Variants in LIMK1 observed in about 807,000 individuals in gnomAD.
LIMK1 encodes LIM domain kinase 1.
A neutral mutation model predicts 77.6 loss-of-function variants in LIMK1; 21 were observed. The observed-to-expected ratio is 0.27, with a 90% CI of 0.19 to 0.39. LIMK1 has a LOEUF of 0.39. Among genes scored for constraint, LIMK1 ranks in the 10% least tolerant of loss-of-function variants. The pLI, the probability that LIMK1 is intolerant of heterozygous loss-of-function variation, is 1.00. For missense variants in LIMK1, 696 were observed against 901.6 expected, an observed-to-expected ratio of 0.77 and a Z score of 2.92; for synonymous variants, 358 against 370.0, an observed-to-expected ratio of 0.97 and a Z score of 0.37.
chr7:74,116,092 C>T lies in LIMK1; in HGVS notation c.1567+134C>T, dbSNP rs1799802555. The T allele has an allele frequency of 3.3e-6, 3 of 916,986 alleles. No individual in the cohort carries two copies. In the East Asian group the frequency reaches 7.9e-5, roughly 24 times the overall value. The allele number at this position is 916,986 out of a possible 1,614,324, so 56.8% of individuals were successfully genotyped here. A position where few individuals can be genotyped will look rare whatever the true frequency, so the allele number is the denominator to read the frequency against. On this transcript the variant is annotated intron_variant, in intron 13 of 15. Transcript: ENST00000336180. ...CAGTTACCCTGTGGGTCCTGTTGCT[C>T]CTATAACACACTTAGTGGCAGCCAG...
rs781836367 is a variant in LIMK1 at position 74,107,101 on chromosome 7, C to T, written c.973C>T (p.Arg325Cys). The part of the protein sequence containing the change: ...RKDLGRSESL[R>C]VVCRPHRIFR... The stretch of plus-strand genomic sequence containing the variant: ...GGACCTGGGTCGCTCTGAGTCCCTC[C>T]GCGTAGTCTGCCGGCCACACCGCAT... Residue 325 changes from arginine (R) to cysteine (C), a missense_variant, in exon 8 of 16, where the codon CGC (arginine) becomes TGC (cysteine). This residue lies in a region of LIMK1 where 438 missense variants were observed against 602.3 expected (regional missense o/e 0.73). Coordinates refer to ENST00000336180, the MANE Select transcript of LIMK1 (RefSeq NM_002314.4). The T allele has an allele frequency of 6.8e-6, 11 of 1,612,096 alleles. No homozygotes were observed. Among genetic ancestry groups the T allele is most frequent in the Non-Finnish European group, 8.5e-6 (10 of 1,179,730 alleles).
chr7:74,117,166 C>T (rs1412043466), intron 13 of LIMK1, among the ~76,000 whole-genome samples: 1 of 152,148 alleles, frequency 6.6e-6, no homozygotes, highest in African/African-American at 2.4e-5. Context: ...CAGGCGTGAG[C>T]CACCGCGCCT....
chr7:74,109,137 A>G, intron 10 of LIMK1, 101 bp downstream of exon 10: 1 of 940,068 alleles, frequency 1.1e-6, no homozygotes, highest in Non-Finnish European at 1.7e-6. Flanking sequence ...GGGAAGCCAC[A>G]GGGGTCTCAA....
rs895459290 is a variant in LIMK1 at position 74,114,011 on chromosome 7, G to A, written c.1411-1791G>A. Among the ~76,000 whole-genome samples the A allele has an allele frequency of 4.6e-5, 7 of 152,138 alleles. No homozygotes were observed. In the East Asian group the frequency reaches 1.2e-3, roughly 25 times the overall value. Reference sequence around the variant, plus strand: ...CACGCCTGTAATCCCAACACTTTGGGAGACTGAGGCAGGCAGATCACTTGA... The same window carrying A: ...CACGCCTGTAATCCCAACACTTTGGAAGACTGAGGCAGGCAGATCACTTGA... On this transcript the variant is annotated intron_variant, in intron 12 of 15. Transcript: ENST00000336180.
At chr7:74,111,583 A>T (rs1799699652) in intron 10 of LIMK1, 65 bp from the exon 11 acceptor site, 1 of 1,370,894 alleles carries the variant, frequency 7.3e-7, no homozygotes. Context: ...CCTCTGTCTC[A>T]TGCAACCATC....
chr7:74,100,739 C>CTT (rs1184313437), intron 5 of LIMK1, among the ~76,000 whole-genome samples: 2 of 133,316 alleles, frequency 1.5e-5, no homozygotes, highest in African/African-American at 5.6e-5. Flanking sequence ...TTCTCTCTCT[C>CTT]TTTTTTTTTT....
chr7:74,091,541 A>G (rs1799235584), intron 2 of LIMK1, among the ~76,000 whole-genome samples: 1 of 152,136 alleles, frequency 6.6e-6, no homozygotes, highest in Non-Finnish European at 1.5e-5. Context: ...CGATTTTACA[A>G]ATGAGGTGCA....
intron 5 of LIMK1, among the ~76,000 whole-genome samples, chr7:74,102,867 C>CT (rs200075270): frequency 0.07 from 9,486 of 135,396 alleles, 351 homozygotes; most frequent in Non-Finnish European, 0.086. Context: ...TCATCAGTAT[C>CT]TTTTTTTTTT....
intron 2 of LIMK1, among the ~76,000 whole-genome samples, chr7:74,095,968 C>CTTTTTTTTTTT (rs869065672): frequency 0.069 from 8,651 of 125,712 alleles, 739 homozygotes; most frequent in African/African-American, 0.19. Flanking sequence ...TTTTCTTTTT[C>CTTTTTTTTTTT]TTTTTTTTTT....
intron 5 of LIMK1, among the ~76,000 whole-genome samples, chr7:74,103,016 C>T (rs913113073): frequency 1.3e-5 from 2 of 151,916 alleles, no homozygotes; most frequent in African/African-American, 4.8e-5. Context: ...TACAGGCGTG[C>T]ACCATTATGC....
intron 2 of LIMK1, among the ~76,000 whole-genome samples, chr7:74,087,128 C>T (rs542765758): frequency 7.2e-4 from 109 of 152,034 alleles, no homozygotes; most frequent in Non-Finnish European, 1.2e-3. Context: ...GGAGGTGGGG[C>T]GTGGTGGCTC....
intron 2 of LIMK1, chr7:74,094,309 T>A (rs1434659201): frequency 6.6e-6 from 1 of 152,242 alleles, no homozygotes; most frequent in Non-Finnish European, 1.5e-5. Context: ...TCACAGCTGC[T>A]GAAAGTGAGC....
At chr7:74,118,377 A>AACACACACACACACACAC (rs57707215) in intron 13 of LIMK1, among the ~76,000 whole-genome samples, 1 of 130,046 alleles carries the variant, frequency 7.7e-6, no homozygotes, top group South Asian at 2.6e-4. Context: ...CTCTGTGTCA[A>AACACACACACACACACAC]ACACACACAC....
chr7:74,111,904 C>T (rs782234344), intron 11 of LIMK1, 29 bp from the exon 12 acceptor site: 2 of 1,593,430 alleles, frequency 1.3e-6, no homozygotes, highest in Non-Finnish European at 1.7e-6. Context: ...TGCACAGCTG[C>T]CCCCTGACTC....
intron 5 of LIMK1, among the ~76,000 whole-genome samples, chr7:74,102,867 CTTTT>C (rs200075270): frequency 2.2e-5 from 3 of 135,384 alleles, no homozygotes; most frequent in Admixed American, 7.5e-5. Flanking sequence ...TCATCAGTAT[CTTTT>C]TTTTTTTTTT....
Position 74,118,906 on chromosome 7 carries a change from G to GT in LIMK1, c.1568-1671dup, listed in dbSNP as rs1303330686. On this transcript the variant is annotated intron_variant, in intron 13 of 15. Transcript: ENST00000336180. ...TTTTGTTTTTTGTTTTTTGTTTTTT[G>GT]TTTTTTCTGAGACCGAGTCTTGCTC... Among the ~76,000 whole-genome samples the GT allele has an allele frequency of 3.3e-5, 5 of 151,232 alleles. No homozygotes were observed. The East Asian group carries it at 7.7e-4, about 23-fold the overall frequency.
chr7:74,107,018 G>A lies in LIMK1; in HGVS notation c.890G>A (p.Cys297Tyr). 1 of 1,587,126 alleles carries A rather than the reference G, an allele frequency of 6.3e-7. No individual in the cohort carries two copies. Reference protein sequence around the residue: ...SARQKPVLRSCSIDRSPGAGS... With the variant: ...SARQKPVLRSYSIDRSPGAGS... ...CCATGTGTGCCCCCCAGGAGGAGCT[G>A]CAGCATCGACAGGTCTCCGGGCGCT... The change falls in exon 8 of 16, where the codon TGC (cysteine) becomes TAC (tyrosine). Residue 297 changes from cysteine to tyrosine, a missense_variant. By Grantham distance (194) the Cys-to-Tyr change is radical. This residue lies in a region of LIMK1 where 438 missense variants were observed against 602.3 expected (regional missense o/e 0.73). Coordinates refer to ENST00000336180, the MANE Select transcript of LIMK1 (RefSeq NM_002314.4).
At position 74,112,009 on chromosome 7, in the gene LIMK1, G is replaced by A. The variant is rs1554698727; in HGVS notation, c.1410+11G>A. 1 of 1,594,920 alleles carries A rather than the reference G, an allele frequency of 6.3e-7. No homozygotes were observed. Among genetic ancestry groups the A allele is most frequent in the Middle Eastern group, 1.7e-4 (1 of 5,948 alleles). On this transcript the variant is annotated intron_variant, in intron 12 of 15. Coordinates refer to ENST00000336180, the MANE Select transcript of LIMK1 (RefSeq NM_002314.4). ...TGCCTGGTCCGCGAGGTGAGTACCA[G>A]GGCCCCACGTGGCTGGGTGTCAGGA...
At chr7:74,091,954 C>CGTT (rs1799245151) in intron 2 of LIMK1, among the ~76,000 whole-genome samples, 3 of 80,646 alleles carry the variant, frequency 3.7e-5, no homozygotes. Flanking sequence ...GGCTGTACAG[C>CGTT]TTTTTTTTTT....
Sources: gnomAD v4.1 joint callset for allele counts (sites outside exome capture counted in the v4.1 genomes callset) on GRCh38, gnomAD v4.1.1 for gene constraint, gnomAD v4.1.1 regional missense constraint, MANE v1.5 for transcripts, NCBI Gene and HGNC (gene_info 2026-07-23, HGNC 2026-07-21) for gene names.